The following OPHN1 variants were observed in gnomAD, a reference collection of about 807,000 sequenced individuals.
OPHN1 encodes oligophrenin-1.
Under a neutral mutation model 60.7 loss-of-function variants are expected in OPHN1, and 11 were observed. The observed-to-expected ratio is 0.18, with a 90% confidence interval of 0.11 to 0.30. OPHN1 has a LOEUF of 0.30. Ranked by LOEUF, OPHN1 falls within the 10% of genes least tolerant of loss-of-function variation. The pLI is 1.00. For missense variants in OPHN1, 449 were observed against 611.0 expected (o/e 0.73, Z 2.80); for synonymous variants, 226 against 222.6 (o/e 1.02, Z -0.14).
At chrX:68,350,462 T>TCCACCCTCCCTC (rs2078402872) in intron 2 of OPHN1, among the ~76,000 whole-genome samples, 1 of 69,324 alleles carries the variant, frequency 1.4e-5, no homozygotes, top group Non-Finnish European at 2.5e-5. Flanking sequence ...CTCCCTTCCT[T>TCCACCCTCCCTC]CCTTCCTTCC....
chrX:68,109,419 G>C (rs1055349823), intron 18 of OPHN1, among the ~76,000 whole-genome samples: 6 of 111,021 alleles, frequency 5.4e-5, no homozygotes, highest in Non-Finnish European at 1.1e-4. Flanking sequence ...CTATTCATTA[G>C]TTAACAGACA....
intron 19 of OPHN1, among the ~76,000 whole-genome samples, chrX:68,094,709 A>G (rs746719429): frequency 5.5e-4 from 61 of 111,193 alleles, no homozygotes; most frequent in Non-Finnish European, 9.3e-4. Flanking sequence ...AAATTCTTCC[A>G]GTGGATTATA....
chrX:68,095,710 C>T, intron 19 of OPHN1, among the ~76,000 whole-genome samples: 1 of 111,452 alleles, frequency 9.0e-6, no homozygotes, highest in Non-Finnish European at 1.9e-5. Context: ...TCACCAAGTC[C>T]TGCTGCTTTT....
intron 2 of OPHN1, among the ~76,000 whole-genome samples, chrX:68,405,531 G>A (rs2078738266): frequency 9.0e-6 from 1 of 111,003 alleles, no homozygotes; most frequent in Admixed American, 9.7e-5. Context: ...TCCCTAGCTT[G>A]GCACAGCCAC....
chrX:68,230,232 T>C (rs1220577999), intron 6 of OPHN1, among the ~76,000 whole-genome samples: 1 of 111,189 alleles, frequency 9.0e-6, no homozygotes, highest in Non-Finnish European at 1.9e-5. Flanking sequence ...TCACACCAGT[T>C]AGAATGGCAA....
rs187383337 is a variant in OPHN1, at chrX:68,416,307, G to A, written c.154+16560C>T. Among the ~76,000 whole-genome samples, 498 of 109,142 alleles carry A rather than the reference G, an allele frequency of 4.6e-3. 1 individual carries two copies. The highest frequency in any genetic ancestry group is 0.015 in the African/African-American group (461 of 29,870). The allele number at this position is 109,142 out of a possible 115,157, so 94.8% of individuals were successfully genotyped here. On this transcript the variant is annotated intron_variant, in intron 2 of 24. Coordinates refer to ENST00000355520, the MANE Select transcript of OPHN1 (RefSeq NM_002547.3). ...ATCTGCCCCACCTGGGCCTCCCAAA[G>A]TGCTGGTATTATATATATACCAGTT... is the stretch of plus-strand genomic sequence containing the variant.
Position 68,193,960 on chromosome X carries a change from A to G in OPHN1, c.1139-8T>C. ...CCACTTCATTTAGCTCCACTGTTTC[A>G]AGCAAAGGAAAAGAGTTAGATCCTG... On this transcript the variant is annotated splice_region_variant and splice_polypyrimidine_tract_variant and intron_variant, in intron 13 of 24. Coordinates refer to ENST00000355520, the MANE Select transcript of OPHN1 (RefSeq NM_002547.3). 1 of 1,199,483 alleles carries G rather than the reference A, an allele frequency of 8.3e-7. No individual in the cohort carries two copies. The highest frequency in any genetic ancestry group is 1.1e-6 in the Non-Finnish European group (1 of 884,612).
intron 5 of OPHN1, among the ~76,000 whole-genome samples, chrX:68,263,443 G>A (rs773489408): frequency 1.2e-3 from 136 of 111,202 alleles, no homozygotes; most frequent in African/African-American, 4.0e-3. Context: ...ATCGTCAATC[G>A]GACAGTTTCA....
chrX:68,229,317 C>T (rs2077714713), intron 6 of OPHN1, among the ~76,000 whole-genome samples: 1 of 111,722 alleles, frequency 9.0e-6, no homozygotes, highest in Non-Finnish European at 1.9e-5. Context: ...GAATCAATAT[C>T]GTGAAAATGG....
In OPHN1 at chrX:68,426,293, T is replaced by A. The variant is rs181142252; in HGVS notation, c.154+6574A>T. 7.4e-5 allele frequency among the ~76,000 whole-genome samples: 8 copies of A among 108,345 alleles called. No individual in the cohort carries two copies. In the East Asian group the frequency reaches 2.4e-3, roughly 33 times the overall value. The allele number at this position is 108,345 out of a possible 115,157, so 94.1% of individuals were successfully genotyped here. ...CCGTCTCTACTAAAAATACAAATAT[T>A]AGCTGGGCGTGGTAGCGCACGCCTG... is the stretch of plus-strand genomic sequence containing the variant. On this transcript the variant is annotated intron_variant, in intron 2 of 24. Transcript: ENST00000355520.
chrX:68,058,480 T>C (rs948099335), intron 21 of OPHN1, among the ~76,000 whole-genome samples: 2 of 111,833 alleles, frequency 1.8e-5, no homozygotes, highest in Middle Eastern at 4.2e-3. Context: ...ATGGACAGAA[T>C]GAGACTTGAG....
chrX:68,210,112 G>A (rs1228370010), intron 9 of OPHN1, 41 bp downstream of exon 9: 1 of 1,203,024 alleles, frequency 8.3e-7, no homozygotes. Context: ...GTAGTTCCTG[G>A]CTTATTGAAA....
chrX:68,398,550 G>A (rs780844806), intron 2 of OPHN1, among the ~76,000 whole-genome samples: 2 of 111,713 alleles, frequency 1.8e-5, no homozygotes, highest in Non-Finnish European at 3.8e-5. Context: ...GCTCTGGTCC[G>A]CCTGTCTTGA....
At chrX:68,060,003 TG>T (rs1259609270) in intron 21 of OPHN1, among the ~76,000 whole-genome samples, 1 of 111,779 alleles carries the variant, frequency 8.9e-6, no homozygotes, top group African/African-American at 3.3e-5. Context: ...TTTTCATTTT[TG>T]TCTCTCCCTT....
intron 6 of OPHN1, among the ~76,000 whole-genome samples, chrX:68,228,596 G>C (rs991981236): frequency 2.8e-5 from 3 of 107,370 alleles, no homozygotes; most frequent in African/African-American, 1.0e-4. Context: ...GGGCTGCAAG[G>C]CTCGTTCAAC....
intron 21 of OPHN1, among the ~76,000 whole-genome samples, chrX:68,057,776 T>C (rs1212952291): frequency 9.0e-6 from 1 of 111,620 alleles, no homozygotes; most frequent in Non-Finnish European, 1.9e-5. Context: ...AGCCACAGTA[T>C]CAAACTGGTG....
At chrX:68,276,992 A>G (rs772125068) in intron 4 of OPHN1, among the ~76,000 whole-genome samples, 4 of 111,680 alleles carry the variant, frequency 3.6e-5, no homozygotes, top group Non-Finnish European at 7.5e-5. Flanking sequence ...CTGCCAGGTA[A>G]ATGCCATCAT....
At position 68,406,660 on chromosome X, in the gene OPHN1, T is replaced by A. The variant is rs748338083; in HGVS notation, c.154+26207A>T. On this transcript the variant is annotated intron_variant, in intron 2 of 24. Transcript: ENST00000355520. The stretch of plus-strand genomic sequence containing the variant: ...CATTAATACTTCTACTATGCATATG[T>A]AATAAATATCCTTATTCTTGGGAAA... Among the ~76,000 whole-genome samples, 6 of 111,925 alleles carry A rather than the reference T, an allele frequency of 5.4e-5. No homozygotes were observed. In the East Asian group the frequency reaches 1.1e-3, roughly 21 times the overall value.
At chrX:68,401,106 A>G (rs2078712267) in intron 2 of OPHN1, among the ~76,000 whole-genome samples, 1 of 111,496 alleles carries the variant, frequency 9.0e-6, no homozygotes, top group South Asian at 3.8e-4. Context: ...ACCAGGCACC[A>G]CCTTCAACAT....
Sources: allele counts gnomAD v4.1 joint callset (sites outside exome capture counted in the v4.1 genomes callset), GRCh38; gene constraint gnomAD v4.1.1; transcripts MANE v1.5; gene names NCBI Gene and HGNC (gene_info 2026-07-23, HGNC 2026-07-21).